Variants in GNAO1 observed in about 807,000 individuals in gnomAD.
GNAO1 encodes the protein guanine nucleotide-binding protein G(o) subunit alpha.
For synonymous variants in GNAO1, 164 were observed against 180.7 expected, an observed-to-expected ratio of 0.91 and a Z score of 0.74; for missense variants, 166 against 478.7, an observed-to-expected ratio of 0.35 and a Z score of 6.10.
At chr16:56,251,535 G>A (rs544976243) in intron 2 of GNAO1, among the ~76,000 whole-genome samples, 1 of 152,174 alleles carries the variant, frequency 6.6e-6, no homozygotes, top group African/African-American at 2.4e-5. Flanking sequence ...TGCTGAAATG[G>A]GTCTTAGGAA....
At position 56,247,512 on chromosome 16, in the gene GNAO1, A is replaced by G. The variant is rs1306460751; in HGVS notation, c.162-28419A>G. On this transcript the variant is annotated intron_variant, in intron 2 of 8. Transcript: ENST00000262493. ...TTTTTTTTTTTTTTTTTCATTTCTA[A>G]TCTCACATACTGGATTATAAGTGTC... Among the ~76,000 whole-genome samples the G allele has an allele frequency of 3.0e-5, 4 of 132,870 alleles. No individual in the cohort carries two copies. In the Admixed American group the frequency reaches 3.1e-4, roughly 10 times the overall value. 87.2% of individuals were successfully genotyped at this position (132,870 alleles called of 152,430 possible). A position where few individuals can be genotyped will look rare whatever the true frequency, so the allele number is the denominator to read the frequency against.
intron 2 of GNAO1, chr16:56,213,380 G>A (rs2036408345): frequency 2.5e-6 from 1 of 398,592 alleles, no homozygotes; most frequent in African/African-American, 2.1e-5. Context: ...CTTGTTAGGG[G>A]AGACAGGCAA....
intron 2 of GNAO1, among the ~76,000 whole-genome samples, chr16:56,219,075 T>C (rs1342932937): frequency 6.6e-6 from 1 of 152,048 alleles, no homozygotes; most frequent in African/African-American, 2.4e-5. Flanking sequence ...AGTTGGCCCA[T>C]TGTGGAAAGA....
At chr16:56,341,015 C>T (rs370337195) in intron 6 of GNAO1, 19 of 1,600,310 alleles carry the variant, frequency 1.2e-5, no homozygotes, top group African/African-American at 1.1e-4. Context: ...GACAGCAGGC[C>T]CCCGAGGGAG....
At chr16:56,251,009 C>T (rs1490779366) in intron 2 of GNAO1, among the ~76,000 whole-genome samples, 1 of 152,182 alleles carries the variant, frequency 6.6e-6, no homozygotes, top group Non-Finnish European at 1.5e-5. Flanking sequence ...TATAAGGTGG[C>T]CCCAAGCCAC....
intron 2 of GNAO1, among the ~76,000 whole-genome samples, chr16:56,217,777 G>A (rs1291407147): frequency 6.6e-6 from 1 of 152,206 alleles, no homozygotes; most frequent in East Asian, 1.9e-4. Context: ...GGTTGAGCCA[G>A]GATGTGATCC....
In GNAO1 at chr16:56,256,718, C is replaced by CTCTCTG. The variant is rs1295470655; in HGVS notation, c.162-19212_162-19211insCTCTGT. On this transcript the variant is annotated intron_variant, in intron 2 of 8. Coordinates refer to ENST00000262493, the MANE Select transcript of GNAO1 (RefSeq NM_020988.3). ...TCTCTCTCTCTCTCTCTCTCTCTCT[C>CTCTCTG]TGTGTGTGTGTGTGTGTGTGTGTGT... 4.9e-3 allele frequency among the ~76,000 whole-genome samples: 353 copies of CTCTCTG among 72,278 alleles called. 2 individuals are homozygous for CTCTCTG. Among genetic ancestry groups the CTCTCTG allele is most frequent in the African/African-American group, 0.014 (338 of 23,874 alleles). 47.4% of individuals were successfully genotyped at this position (72,278 alleles called of 152,430 possible). A position where few individuals can be genotyped will look rare whatever the true frequency, so the allele number is the denominator to read the frequency against.
intron 2 of GNAO1, among the ~76,000 whole-genome samples, chr16:56,260,964 C>A (rs2036898090): frequency 6.6e-6 from 1 of 152,128 alleles, no homozygotes; most frequent in Admixed American, 6.5e-5. Flanking sequence ...TTCAAAGGCC[C>A]AACAAAGGGG....
chr16:56,239,499 C>T (rs1158271703), intron 2 of GNAO1, among the ~76,000 whole-genome samples: 1 of 152,096 alleles, frequency 6.6e-6, no homozygotes, highest in African/African-American at 2.4e-5. Flanking sequence ...CTGGACAGGC[C>T]CTGTTCCCAG....
chr16:56,329,614 T>TACTGG (rs1170679772), intron 4 of GNAO1, among the ~76,000 whole-genome samples: 2 of 152,216 alleles, frequency 1.3e-5, no homozygotes, highest in East Asian at 3.9e-4. Flanking sequence ...GTCATGGAGA[T>TACTGG]ACTGGGATTG....
At chr16:56,327,284 C>A (rs951659236) in intron 3 of GNAO1, among the ~76,000 whole-genome samples, 7 of 152,110 alleles carry the variant, frequency 4.6e-5, no homozygotes, top group African/African-American at 1.7e-4. Flanking sequence ...GAAACACGGC[C>A]TCTCAAGGAG....
intron 2 of GNAO1, chr16:56,192,944 C>G (rs1265003662): frequency 7.7e-6 from 2 of 259,226 alleles, no homozygotes; most frequent in African/African-American, 4.4e-5. Context: ...GGAATATTTT[C>G]TGTGTCTCAC....
rs1193025491 is a variant in GNAO1 at position 56,357,387 on chromosome 16, C to T, written c.*1313C>T. ...TGATATCTTACACACTGCCAGTCTACTTCTCTGACTAATGGAAAATTCCTG... is the reference window on the plus strand; with the variant it reads ...TGATATCTTACACACTGCCAGTCTATTTCTCTGACTAATGGAAAATTCCTG... On this transcript the variant is annotated 3_prime_UTR_variant, in exon 9 of 9. Transcript: ENST00000262493. 6.6e-6 allele frequency: 1 copy of T among 152,170 alleles called. No homozygotes were observed. The highest frequency in any genetic ancestry group is 2.4e-5 in the African/African-American group (1 of 41,424). The allele number at this position is 152,170 out of a possible 1,614,324, so 9.4% of individuals were successfully genotyped here.
intron 2 of GNAO1, among the ~76,000 whole-genome samples, chr16:56,222,657 G>A (rs535625616): frequency 2.0e-5 from 3 of 152,300 alleles, no homozygotes; most frequent in South Asian, 2.1e-4. Context: ...GGCTCGCCCT[G>A]GAGCCTGGTA....
At chr16:56,254,875 T>G (rs1397580771) in intron 2 of GNAO1, among the ~76,000 whole-genome samples, 1 of 152,184 alleles carries the variant, frequency 6.6e-6, no homozygotes, top group Non-Finnish European at 1.5e-5. Context: ...TTTCCCTTAA[T>G]TCATAATTAA....
At chr16:56,291,392 C>T (rs1210590887) in intron 3 of GNAO1, among the ~76,000 whole-genome samples, 5 of 152,126 alleles carry the variant, frequency 3.3e-5, no homozygotes, top group African/African-American at 1.2e-4. Context: ...GTGCTTTTGG[C>T]CATTGGTGTA....
chr16:56,341,160 G>C (rs555200208), intron 6 of GNAO1, among the ~76,000 whole-genome samples: 1 of 152,200 alleles, frequency 6.6e-6, no homozygotes, highest in Non-Finnish European at 1.5e-5. Context: ...GCAGCTAGCC[G>C]GGGCTTCCTC....
chr16:56,283,945 G>T (rs2037138956), intron 3 of GNAO1, among the ~76,000 whole-genome samples: 1 of 152,158 alleles, frequency 6.6e-6, no homozygotes, highest in Non-Finnish European at 1.5e-5. Context: ...ACTGGAAAGA[G>T]ACTTACCCAG....
At chr16:56,302,776 T>C (rs530791338) in intron 3 of GNAO1, 1 of 152,382 alleles carries the variant, frequency 6.6e-6, no homozygotes, top group East Asian at 1.9e-4. Context: ...ATACCATCAC[T>C]GTGTGTATTG....
Sources: gnomAD v4.1 joint callset for allele counts (sites outside exome capture counted in the v4.1 genomes callset) on GRCh38, gnomAD v4.1.1 for gene constraint, MANE v1.5 for transcripts, NCBI Gene and HGNC (gene_info 2026-07-23, HGNC 2026-07-21) for gene names.